Variants in MDFIC2 observed in about 807,000 individuals in gnomAD.
MDFIC2 encodes the protein MyoD family inhibitor domain containing 2.
chr3:70,213,231 C>T (rs1553645871), intron 2 of MDFIC2, among the ~76,000 whole-genome samples: 1 of 152,110 alleles, frequency 6.6e-6, no homozygotes, highest in Non-Finnish European at 1.5e-5. Context: ...CCTCAGCCTC[C>T]TGAGTAGATC....
intron 2 of MDFIC2, among the ~76,000 whole-genome samples, chr3:70,268,561 G>A (rs1403981691): frequency 1.3e-5 from 2 of 151,662 alleles, no homozygotes; most frequent in African/African-American, 2.4e-5. Flanking sequence ...ACACTCCAAG[G>A]CCATAGTTCA....
chr3:70,274,406 A>T (rs139447768), intron 2 of MDFIC2, among the ~76,000 whole-genome samples: 1 of 152,314 alleles, frequency 6.6e-6, no homozygotes, highest in African/African-American at 2.4e-5. Context: ...ATGAGCACTG[A>T]TATATAATTT....
chr3:70,213,113 T>C (rs1415234376), intron 2 of MDFIC2, among the ~76,000 whole-genome samples: 1 of 152,030 alleles, frequency 6.6e-6, no homozygotes, highest in Non-Finnish European at 1.5e-5. Context: ...CTGGCCTTCA[T>C]TCTCTCTCCC....
intron 2 of MDFIC2, among the ~76,000 whole-genome samples, chr3:70,263,917 C>T (rs1445687459): frequency 6.6e-6 from 1 of 152,144 alleles, no homozygotes; most frequent in Non-Finnish European, 1.5e-5. Context: ...TGTCCAATAT[C>T]TCAAATGGTT....
chr3:70,244,369 T>C (rs1400629831), intron 2 of MDFIC2, among the ~76,000 whole-genome samples: 1 of 152,234 alleles, frequency 6.6e-6, no homozygotes, highest in Admixed American at 6.5e-5. Flanking sequence ...ATCTATTATA[T>C]TTAATGGCAG....
intron 2 of MDFIC2, among the ~76,000 whole-genome samples, chr3:70,228,507 CT>C (rs1458192413): frequency 1.3e-5 from 2 of 151,890 alleles, no homozygotes; most frequent in African/African-American, 4.8e-5. Context: ...AGAAGGACCC[CT>C]GTTATAGTTT....
At chr3:70,273,761 A>T (rs929915087) in intron 2 of MDFIC2, among the ~76,000 whole-genome samples, 1 of 152,218 alleles carries the variant, frequency 6.6e-6, no homozygotes, top group African/African-American at 2.4e-5. Context: ...TTTGTTTAGC[A>T]GTCAAATGTA....
At chr3:70,267,625 C>T (rs185074379) in intron 2 of MDFIC2, among the ~76,000 whole-genome samples, 6 of 144,084 alleles carry the variant, frequency 4.2e-5, no homozygotes, top group Non-Finnish European at 6.0e-5. Context: ...ACCCTGTTAG[C>T]CAGAATGGTC....
At chr3:70,311,336 G>C (rs1702451714) in intron 2 of MDFIC2, among the ~76,000 whole-genome samples, 1 of 152,138 alleles carries the variant, frequency 6.6e-6, no homozygotes, top group Non-Finnish European at 1.5e-5. Context: ...ATTTTCAAAA[G>C]TGCGCAAATC....
At chr3:70,270,105 C>T (rs764952585) in intron 2 of MDFIC2, among the ~76,000 whole-genome samples, 10 of 152,020 alleles carry the variant, frequency 6.6e-5, no homozygotes, top group Non-Finnish European at 1.3e-4. Flanking sequence ...CTAATGATGC[C>T]ATCCACAGCA....
chr3:70,277,465 C>G (rs1383938590), intron 2 of MDFIC2, among the ~76,000 whole-genome samples: 1 of 152,126 alleles, frequency 6.6e-6, no homozygotes, highest in Admixed American at 6.6e-5. Flanking sequence ...ATAATGACGG[C>G]TCTTGATTCA....
At chr3:70,267,108 G>T (rs1462607666) in intron 2 of MDFIC2, among the ~76,000 whole-genome samples, 1 of 152,128 alleles carries the variant, frequency 6.6e-6, no homozygotes, top group African/African-American at 2.4e-5. Context: ...GCTGGGGAGG[G>T]GGTGGGAAGG....
intron 2 of MDFIC2, among the ~76,000 whole-genome samples, chr3:70,286,869 G>T (rs1235656962): frequency 6.6e-6 from 1 of 151,876 alleles, no homozygotes; most frequent in Non-Finnish European, 1.5e-5. Flanking sequence ...GTCTGTTGTT[G>T]GTGTATAAGA....
chr3:70,245,102 A>G (rs1701694294), intron 2 of MDFIC2, among the ~76,000 whole-genome samples: 1 of 152,178 alleles, frequency 6.6e-6, no homozygotes, highest in Non-Finnish European at 1.5e-5. Flanking sequence ...CTAGAAACCT[A>G]AGCTCATTTC....
intron 2 of MDFIC2, among the ~76,000 whole-genome samples, chr3:70,230,079 A>G (rs1575602313): frequency 6.6e-6 from 1 of 152,186 alleles, no homozygotes; most frequent in African/African-American, 2.4e-5. Context: ...ATGGTTAAGA[A>G]ATTGAGCTCA....
chr3:70,207,969 C>G (rs1454594793), intron 2 of MDFIC2, among the ~76,000 whole-genome samples: 3 of 152,018 alleles, frequency 2.0e-5, no homozygotes. Context: ...ATGACTAAGA[C>G]AGGCGTGGAC....
At chr3:70,230,190 AT>A (rs1701544516) in intron 2 of MDFIC2, among the ~76,000 whole-genome samples, 1 of 152,170 alleles carries the variant, frequency 6.6e-6, no homozygotes, top group Non-Finnish European at 1.5e-5. Flanking sequence ...TTAACAGCAC[AT>A]TGTCTCTTAC....
At chr3:70,244,545 A>G (rs2106644417) in intron 2 of MDFIC2, among the ~76,000 whole-genome samples, 1 of 152,350 alleles carries the variant, frequency 6.6e-6, no homozygotes, top group Middle Eastern at 3.4e-3. Flanking sequence ...TATTTGATCA[A>G]TATATGGGAT....
At chr3:70,279,116 T>C (rs969112754) in intron 2 of MDFIC2, among the ~76,000 whole-genome samples, 1 of 150,826 alleles carries the variant, frequency 6.6e-6, no homozygotes, top group Non-Finnish European at 1.5e-5. Flanking sequence ...AGATAGATTA[T>C]TTCCTCTGTT....
Sources: gnomAD v4.1 joint callset for allele counts (sites outside exome capture counted in the v4.1 genomes callset) on GRCh38, gnomAD v4.1.1 for gene constraint, MANE v1.5 for transcripts, NCBI Gene and HGNC (gene_info 2026-07-23, HGNC 2026-07-21) for gene names.